The following P2RX6 variants were observed in gnomAD, a reference collection of about 807,000 sequenced individuals.
P2RX6 encodes purinergic receptor P2X 6.
Under a neutral mutation model 54.2 loss-of-function variants are expected in P2RX6, and 62 were observed. The ratio of observed to expected loss-of-function variants is 1.14; its 90% confidence interval spans 0.93 to 1.41. The LOEUF is 1.41. P2RX6 is among the 40% of genes most tolerant of loss of function. The pLI, the probability that P2RX6 is intolerant of heterozygous loss-of-function variation, is 0.00. For missense variants in P2RX6, 541 were observed against 566.3 expected, an observed-to-expected ratio of 0.96 and a Z score of 0.45; for synonymous variants, 211 against 231.9, an observed-to-expected ratio of 0.91 and a Z score of 0.82.
chr22:21,015,758 G>A (rs1926245709), intron 1 of P2RX6, among the ~76,000 whole-genome samples, 184 bp from the exon 2 acceptor site: 1 of 152,114 alleles, frequency 6.6e-6, no homozygotes, highest in Non-Finnish European at 1.5e-5. Flanking sequence ...CTGATGCATG[G>A]CTGGAGCTTC....
intron 2 of P2RX6, 50 bp downstream of exon 2, chr22:21,016,142 C>T (rs889116926): frequency 4.6e-6 from 7 of 1,518,480 alleles, no homozygotes; most frequent in Non-Finnish European, 6.2e-6. Flanking sequence ...TCCCCACTGA[C>T]AGCCTGAACA....
At chr22:21,025,556 C>T (rs1399324351) in intron 8 of P2RX6, among the ~76,000 whole-genome samples, 3 of 152,218 alleles carry the variant, frequency 2.0e-5, no homozygotes, top group South Asian at 2.1e-4. Context: ...CCCTTCACAT[C>T]CCCCGCTGCT....
At chr22:21,022,346 C>T (rs1423963008) in intron 3 of P2RX6, among the ~76,000 whole-genome samples, 1 of 152,300 alleles carries the variant, frequency 6.6e-6, no homozygotes, top group East Asian at 1.9e-4. Flanking sequence ...TGCACTAGAG[C>T]CTGGACAACA....
upstream of P2RX6, chr22:21,013,045 G>C (rs5761881): frequency 0.022 from 3,520 of 157,598 alleles, 212 homozygotes; most frequent in East Asian, 0.19. Flanking sequence ...GTGGTACCTG[G>C]GGCCCCAGGC....
At position 21,026,001 on chromosome 22, in the gene P2RX6, T is replaced by A; in HGVS notation, c.985-10T>A. 2 of 1,608,456 alleles carry A rather than the reference T, an allele frequency of 1.2e-6. No homozygotes were observed. Among genetic ancestry groups the A allele is most frequent in the Non-Finnish European group, 1.7e-6 (2 of 1,177,608 alleles). On this transcript the variant is annotated splice_polypyrimidine_tract_variant and intron_variant, in intron 9 of 11. Transcript: ENST00000413302. The surrounding 1 kb of genome is among the most constrained non-coding windows in gnomAD (Gnocchi z 4.0). ...CGTGGGCTGAGAGGTTCAGCTCAGATCTCTCTCAGGCAGGGAAGTTCGGGC... is the reference window on the plus strand; with the variant it reads ...CGTGGGCTGAGAGGTTCAGCTCAGAACTCTCTCAGGCAGGGAAGTTCGGGC...
chr22:21,014,799 A>T (rs1332706475), upstream of P2RX6, among the ~76,000 whole-genome samples: 5 of 152,140 alleles, frequency 3.3e-5, no homozygotes, highest in Non-Finnish European at 5.9e-5. Context: ...GGGTCAGCTT[A>T]GAGGTCACTT....
At chr22:21,024,934 G>A (rs1928160759) in intron 8 of P2RX6, among the ~76,000 whole-genome samples, 1 of 143,232 alleles carries the variant, frequency 7.0e-6, no homozygotes, top group Non-Finnish European at 1.5e-5. Context: ...AGACTGGAGT[G>A]CAGTGGCCCG....
chr22:21,011,287 C>A (rs1202198844), upstream of P2RX6: 17 of 560,644 alleles, frequency 3.0e-5, no homozygotes, highest in Non-Finnish European at 6.4e-6. Context: ...AGAGCACATG[C>A]TCCCTGGCGA....
chr22:21,025,320 A>G (rs888712927), intron 8 of P2RX6, among the ~76,000 whole-genome samples: 14 of 151,876 alleles, frequency 9.2e-5, no homozygotes, highest in African/African-American at 2.2e-4. Context: ...GCCCCTCAAC[A>G]TAGCTCACTG....
chr22:21,023,662 C>G (rs1167397086), intron 8 of P2RX6, 44 bp downstream of exon 8: 6 of 1,437,314 alleles, frequency 4.2e-6, no homozygotes, highest in Non-Finnish European at 3.8e-6. Context: ...GGGCCCATCG[C>G]CCTCTCACTG....
chr22:21,011,648 C>A, upstream of P2RX6: 1 of 697,102 alleles, frequency 1.4e-6, no homozygotes, highest in Non-Finnish European at 2.7e-6. Context: ...CCACCCCCCT[C>A]CCCCCTCTTC....
At position 21,023,008 on chromosome 22, in the gene P2RX6, G is replaced by A; in HGVS notation, c.530G>A (p.Cys177Tyr). Residue 177 changes from cysteine to tyrosine, a missense_variant, in exon 5 of 12, where the codon TGC becomes TAC. Cys to Tyr is a radical substitution (Grantham distance 194). Around this residue, in one of 2 missense-constraint regions of P2RX6, gnomAD observed 526 missense variants for 531.5 expected, o/e 0.99. Transcript: ENST00000413302. ...THRTCEIWSW[C>Y]PVESGVVPSR... ...AGGACCTGTGAGATCTGGAGTTGGTGCCCCGTGGAGAGTGGCGTTGTGCCC... is the reference window on the plus strand; with the variant it reads ...AGGACCTGTGAGATCTGGAGTTGGTACCCCGTGGAGAGTGGCGTTGTGCCC... 2 of 1,613,490 alleles carry A rather than the reference G, an allele frequency of 1.2e-6. No individual in the cohort carries two copies. The highest frequency in any genetic ancestry group is 2.2e-5 in the South Asian group (2 of 91,068).
At chr22:21,012,605 T>C (rs4078572), upstream of P2RX6, 1 of 605,912 alleles carries the variant, frequency 1.7e-6, no homozygotes, top group South Asian at 1.6e-5. Context: ...TCCCAAAAGT[T>C]CAGCCACTTG....
chr22:21,016,379 C>T lies in P2RX6; in HGVS notation c.315+287C>T, dbSNP rs1441738369. On this transcript the variant is annotated intron_variant, in intron 2 of 11. Transcript: ENST00000413302. ...TTGGGAGGCCAAGGCAGGTGGATCA[C>T]GAGATTGAGAGTATCCTGGCTAACA... Among the ~76,000 whole-genome samples, 4 of 151,958 alleles carry T rather than the reference C, an allele frequency of 2.6e-5. No homozygotes were observed. In the East Asian group the frequency reaches 5.8e-4, roughly 22 times the overall value.
chr22:21,016,424 T>C (rs1926394260), intron 2 of P2RX6, among the ~76,000 whole-genome samples: 1 of 151,736 alleles, frequency 6.6e-6, no homozygotes, highest in Admixed American at 6.6e-5. Context: ...CCCATCTCTA[T>C]TAAAAATACA....
Position 21,026,147 on chromosome 22 carries a change from C to CT in P2RX6, c.1050+72dup. The CT allele has an allele frequency of 6.5e-7, 1 of 1,541,774 alleles. No homozygotes were observed. The highest frequency in any genetic ancestry group is 8.8e-7 in the Non-Finnish European group (1 of 1,133,594). ...CTGACCAGGGTGTGTCCAATGCATG[C>CT]TGGAGCCTCCGGTGCCTGCACATTG... On this transcript the variant is annotated intron_variant, in intron 10 of 11. Coordinates refer to ENST00000413302, the MANE Select transcript of P2RX6 (RefSeq NM_005446.5). This position sits in a 1 kb window ranked among gnomAD's most constrained non-coding sequence, Gnocchi z 4.0.
At chr22:21,018,110 C>T in intron 3 of P2RX6, 50 bp downstream of exon 3, 1 of 1,274,546 alleles carries the variant, frequency 7.8e-7, no homozygotes, top group Non-Finnish European at 1.1e-6. Flanking sequence ...CTCCATCAGC[C>T]CCAGGGGGCC....
At chr22:21,012,480 A>G, upstream of P2RX6, 1 of 500,528 alleles carries the variant, frequency 2.0e-6, no homozygotes, top group Non-Finnish European at 3.8e-6. Flanking sequence ...ATCCCTGAGG[A>G]AAGGGAGGAC....
chr22:21,016,458 G>A (rs1360109993), intron 2 of P2RX6, among the ~76,000 whole-genome samples: 6 of 152,026 alleles, frequency 3.9e-5, no homozygotes, highest in Non-Finnish European at 8.8e-5. Context: ...GCATGGTGGT[G>A]GGCGCCTGTA....
Sources: gnomAD v4.1 joint callset for allele counts (sites outside exome capture counted in the v4.1 genomes callset) on GRCh38, gnomAD v4.1.1 for gene constraint, gnomAD v4.1.1 regional missense constraint, Gnocchi (gnomAD v3.1) non-coding constraint, MANE v1.5 for transcripts, NCBI Gene and HGNC (gene_info 2026-07-23, HGNC 2026-07-21) for gene names.